The following LUZP2 variants were observed in gnomAD, a reference collection of about 807,000 sequenced individuals.
LUZP2 encodes the protein leucine zipper protein 2.
A neutral mutation model predicts 51.6 loss-of-function variants in LUZP2; 52 were observed. The ratio of observed to expected loss-of-function variants is 1.01; its 90% CI spans 0.81 to 1.27. LUZP2 has a LOEUF of 1.27. Among genes scored for constraint, LUZP2 ranks in the 50% most tolerant of loss-of-function variants. The probability of loss-of-function intolerance (pLI) is 0.00; values close to 1 mark genes in which losing one functional copy is unlikely to be tolerated. For synonymous variants in LUZP2, 154 were observed against 137.3 expected, an observed-to-expected ratio of 1.12 and a Z score of -0.85; for missense variants, 436 against 395.4, an observed-to-expected ratio of 1.10 and a Z score of -0.87.
At chr11:24,570,444 T>C (rs1426935776) in intron 1 of LUZP2, among the ~76,000 whole-genome samples, 1 of 152,090 alleles carries the variant, frequency 6.6e-6, no homozygotes, top group Admixed American at 6.6e-5. Context: ...ATTTATTTCC[T>C]GTAACAAAAG....
intron 1 of LUZP2, among the ~76,000 whole-genome samples, chr11:24,581,043 C>G (rs1037297043): frequency 6.6e-6 from 1 of 151,970 alleles, no homozygotes; most frequent in African/African-American, 2.4e-5. Flanking sequence ...TTTCTCAAAG[C>G]TCTGAGGCAG....
intron 5 of LUZP2, 117 bp downstream of exon 5, chr11:24,763,425 A>T (rs1860057651): frequency 2.4e-6 from 1 of 409,528 alleles, no homozygotes; most frequent in South Asian, 8.1e-5. Context: ...ATTTTCAGTT[A>T]TAAACTAATG....
At chr11:24,568,049 A>T (rs1169901906) in intron 1 of LUZP2, among the ~76,000 whole-genome samples, 1 of 152,212 alleles carries the variant, frequency 6.6e-6, no homozygotes, top group Non-Finnish European at 1.5e-5. Context: ...GAAAAAGTCA[A>T]CTATATGCTG....
At chr11:25,051,455 C>G (rs1273079104) in intron 10 of LUZP2, among the ~76,000 whole-genome samples, 1 of 152,020 alleles carries the variant, frequency 6.6e-6, no homozygotes, top group Non-Finnish European at 1.5e-5. Context: ...AATTTACTTC[C>G]AAAGGAGGAG....
chr11:24,937,914 A>AG (rs1375482975), intron 7 of LUZP2, among the ~76,000 whole-genome samples: 3 of 151,372 alleles, frequency 2.0e-5, no homozygotes, highest in Non-Finnish European at 2.9e-5. Context: ...AAAAAAAAAA[A>AG]GAAAGAAAGA....
At position 25,077,409 on chromosome 11, in the gene LUZP2, A is replaced by G. The variant is rs1172239862; in HGVS notation, c.936+3A>G. On this transcript the variant is annotated splice_donor_region_variant and intron_variant, in intron 11 of 11. Coordinates refer to ENST00000336930, the MANE Select transcript of LUZP2 (RefSeq NM_001009909.4). ...CAGAAACCGAGCCTATCCCACAGGT[A>G]TGTGTTTGTTTTATTTCGTTTGTGT... is the stretch of plus-strand genomic sequence containing the variant. 8.8e-6 allele frequency: 14 copies of G among 1,588,548 alleles called. No individual in the cohort carries two copies. Among genetic ancestry groups the G allele is most frequent in the Non-Finnish European group, 1.2e-5 (14 of 1,159,776 alleles).
intron 1 of LUZP2, among the ~76,000 whole-genome samples, chr11:24,658,522 C>A (rs529410158): frequency 1.3e-3 from 196 of 152,242 alleles, no homozygotes; most frequent in African/African-American, 4.4e-3. Flanking sequence ...TGGGCAAGGA[C>A]TTCATGTCTA....
chr11:24,806,890 T>C (rs887160509), intron 5 of LUZP2, among the ~76,000 whole-genome samples: 2 of 150,734 alleles, frequency 1.3e-5, no homozygotes, highest in African/African-American at 4.9e-5. Context: ...TATAAGTTGG[T>C]TGGAGGATAG....
chr11:25,044,757 C>G (rs141404801), intron 9 of LUZP2, among the ~76,000 whole-genome samples: 1,677 of 151,774 alleles, frequency 0.011, 39 homozygotes, highest in African/African-American at 0.038. Context: ...GACACATGCG[C>G]ACGTATGTTT....
intron 5 of LUZP2, among the ~76,000 whole-genome samples, chr11:24,816,108 T>C (rs1034186007): frequency 1.5e-4 from 23 of 152,150 alleles, no homozygotes; most frequent in Admixed American, 1.4e-3. Context: ...AGAAGGACAT[T>C]ATATTTAGCT....
intron 7 of LUZP2, among the ~76,000 whole-genome samples, chr11:24,971,290 G>T (rs1423828948): frequency 6.6e-6 from 1 of 152,104 alleles, no homozygotes; most frequent in African/African-American, 2.4e-5. Context: ...AGAGCATGCA[G>T]CCCAGATCCC....
At chr11:25,058,176 A>C (rs916804278) in intron 10 of LUZP2, among the ~76,000 whole-genome samples, 4 of 152,074 alleles carry the variant, frequency 2.6e-5, no homozygotes, top group South Asian at 2.1e-4. Context: ...TTTCAAGAAG[A>C]AGCAGGAATC....
chr11:24,849,207 TACC>T (rs1192967333), intron 5 of LUZP2, among the ~76,000 whole-genome samples: 1 of 152,164 alleles, frequency 6.6e-6, no homozygotes, highest in African/African-American at 2.4e-5. Flanking sequence ...GGTATACACC[TACC>T]ATGGTGGTTT....
chr11:24,893,772 GCACA>G (rs34127798), intron 5 of LUZP2, among the ~76,000 whole-genome samples: 7,777 of 149,236 alleles, frequency 0.052, 233 homozygotes, highest in African/African-American at 0.079. Flanking sequence ...AAATACACAC[GCACA>G]CACACACACA....
At chr11:24,853,902 C>T (rs1851469747) in intron 5 of LUZP2, among the ~76,000 whole-genome samples, 1 of 152,144 alleles carries the variant, frequency 6.6e-6, no homozygotes, top group East Asian at 1.9e-4. Flanking sequence ...TTGGAGTTTG[C>T]TGGAGGCACG....
intron 1 of LUZP2, among the ~76,000 whole-genome samples, chr11:24,619,449 C>G (rs1421405839): frequency 6.6e-6 from 1 of 152,196 alleles, no homozygotes; most frequent in Admixed American, 6.5e-5. Flanking sequence ...AAATACCTAT[C>G]CCAGTGCCAT....
At chr11:24,804,737 G>A (rs1849803182) in intron 5 of LUZP2, among the ~76,000 whole-genome samples, 1 of 152,118 alleles carries the variant, frequency 6.6e-6, no homozygotes, top group African/African-American at 2.4e-5. Context: ...GGGGAGAAGG[G>A]GTGAAGGTCA....
At chr11:24,770,288 G>A (rs1228239969) in intron 5 of LUZP2, among the ~76,000 whole-genome samples, 1 of 152,114 alleles carries the variant, frequency 6.6e-6, no homozygotes, top group Admixed American at 6.5e-5. Context: ...AGACAAATCA[G>A]GCACTAGGAC....
intron 1 of LUZP2, among the ~76,000 whole-genome samples, chr11:24,713,259 A>G (rs954795038): frequency 3.9e-5 from 6 of 152,160 alleles, no homozygotes; most frequent in African/African-American, 1.4e-4. Flanking sequence ...TTATAGTTTT[A>G]TGATTTTCTT....
Sources: allele counts gnomAD v4.1 joint callset (sites outside exome capture counted in the v4.1 genomes callset), GRCh38; gene constraint gnomAD v4.1.1; transcripts MANE v1.5; gene names NCBI Gene and HGNC (gene_info 2026-07-23, HGNC 2026-07-21).